The following GRM1 variants were observed in gnomAD, a reference collection of about 807,000 sequenced individuals.
GRM1 encodes the protein glutamate metabotropic receptor 1, also known as metabotropic glutamate receptor 1.
In GRM1, 33 loss-of-function variants were observed where a neutral mutation model predicts 90.9. The observed-to-expected ratio is 0.36, with a 90% confidence interval of 0.28 to 0.49. The LOEUF is 0.49. Among genes scored for constraint, GRM1 ranks in the 20% least tolerant of loss-of-function variants. The probability of loss-of-function intolerance (pLI) is 0.99; values close to 1 mark genes in which losing one functional copy is unlikely to be tolerated. For missense variants in GRM1, 1,190 were observed against 1,534.3 expected (o/e 0.78, Z 3.75); for synonymous variants, 700 against 613.2 (o/e 1.14, Z -2.09).
At position 146,183,982 on chromosome 6, in the gene GRM1, G is replaced by A. The variant is rs148098905; in HGVS notation, c.950+24385G>A. Reference sequence around the variant, plus strand: ...AGTCTGTAAATCACACTTGGAGTGGGCAATTAACTAGGTCTCCTCCCCACT... The same window carrying A: ...AGTCTGTAAATCACACTTGGAGTGGACAATTAACTAGGTCTCCTCCCCACT... On this transcript the variant is annotated intron_variant, in intron 2 of 7. Transcript: ENST00000282753. Among the ~76,000 whole-genome samples, 25 of 152,186 alleles carry A rather than the reference G, an allele frequency of 1.6e-4. 1 individual carries two copies. The East Asian group carries it at 4.2e-3, about 26-fold the overall frequency.
intron 1 of GRM1, among the ~76,000 whole-genome samples, chr6:146,032,940 T>C (rs1357581519): frequency 6.6e-6 from 1 of 152,212 alleles, no homozygotes; most frequent in Non-Finnish European, 1.5e-5. Flanking sequence ...AAGCTAAACT[T>C]GCAGATATTT....
chr6:146,293,481 T>C (rs531249160), intron 2 of GRM1, among the ~76,000 whole-genome samples: 7 of 152,022 alleles, frequency 4.6e-5, no homozygotes, highest in Admixed American at 4.6e-4. Flanking sequence ...GATTGTAATA[T>C]AGTCTCTTTT....
At chr6:146,105,698 TA>T (rs751331892) in intron 1 of GRM1, among the ~76,000 whole-genome samples, 8 of 152,362 alleles carry the variant, frequency 5.3e-5, no homozygotes, top group African/African-American at 1.4e-4. Context: ...TATTTTGTGA[TA>T]TTTTTGATAC....
intron 1 of GRM1, among the ~76,000 whole-genome samples, chr6:146,075,560 G>A (rs1029162164): frequency 6.6e-6 from 1 of 152,180 alleles, no homozygotes; most frequent in Non-Finnish European, 1.5e-5. Context: ...GATAGAATCT[G>A]CATAAAGGAC....
intron 1 of GRM1, among the ~76,000 whole-genome samples, chr6:146,157,410 T>A (rs778188245): frequency 3.3e-5 from 5 of 152,186 alleles, no homozygotes; most frequent in Admixed American, 6.5e-5. Context: ...GTAATGGGTA[T>A]GCCTATGTCC....
At chr6:146,198,756 G>C (rs547811201) in intron 2 of GRM1, among the ~76,000 whole-genome samples, 1 of 152,088 alleles carries the variant, frequency 6.6e-6, no homozygotes, top group Admixed American at 6.6e-5. Flanking sequence ...GGCATTCCTT[G>C]TCCCCAGTGT....
intron 2 of GRM1, among the ~76,000 whole-genome samples, chr6:146,268,302 G>A (rs1781994412): frequency 6.6e-6 from 1 of 152,118 alleles, no homozygotes; most frequent in African/African-American, 2.4e-5. Flanking sequence ...TTACCTCACT[G>A]AGTCCTATTA....
intron 5 of GRM1, among the ~76,000 whole-genome samples, chr6:146,369,364 G>A (rs1316359328): frequency 1.3e-5 from 2 of 151,318 alleles, no homozygotes; most frequent in African/African-American, 2.4e-5. Context: ...TACTAATTGG[G>A]GGTTTGGTTT....
chr6:146,033,770 C>A (rs1446381759), intron 1 of GRM1, among the ~76,000 whole-genome samples: 1 of 151,540 alleles, frequency 6.6e-6, no homozygotes. Flanking sequence ...CTGATTTTTT[C>A]CTTTTTAAGT....
chr6:146,052,957 G>T (rs1775347123), intron 1 of GRM1, among the ~76,000 whole-genome samples: 1 of 151,746 alleles, frequency 6.6e-6, no homozygotes, highest in South Asian at 2.1e-4. Context: ...ATACATTTTT[G>T]AAATAAAAAA....
intron 5 of GRM1, among the ~76,000 whole-genome samples, chr6:146,383,789 T>A (rs1776402684): frequency 6.6e-6 from 1 of 152,158 alleles, no homozygotes; most frequent in Non-Finnish European, 1.5e-5. Flanking sequence ...TGATTTTACA[T>A]ATAGGAATAT....
chr6:146,180,087 G>C lies in GRM1; in HGVS notation c.950+20490G>C, dbSNP rs147191304. 4.9e-3 allele frequency among the ~76,000 whole-genome samples: 743 copies of C among 152,144 alleles called. 4 individuals carry two copies. Among genetic ancestry groups the C allele is most frequent in the African/African-American group, 0.017 (696 of 41,536 alleles). On this transcript the variant is annotated intron_variant, in intron 2 of 7. Coordinates refer to ENST00000282753, the MANE Select transcript of GRM1 (RefSeq NM_001278064.2). ...TTGAACCTGGGAGGTCAAGACTGAA[G>C]TGAGCCATGATCACCTAGGTGACAG... is the stretch of plus-strand genomic sequence containing the variant.
chr6:146,160,117 T>A (rs1236695500), intron 2 of GRM1, among the ~76,000 whole-genome samples: 2 of 152,076 alleles, frequency 1.3e-5, no homozygotes, highest in African/African-American at 2.4e-5. Flanking sequence ...AACATGAACA[T>A]CTTATTGAGA....
intron 2 of GRM1, among the ~76,000 whole-genome samples, chr6:146,303,021 T>C (rs922013843): frequency 1.3e-5 from 2 of 152,178 alleles, no homozygotes; most frequent in South Asian, 4.1e-4. Context: ...TAGACTCTAC[T>C]GTAGCTCAAA....
At chr6:146,146,190 G>A (rs7382187) in intron 1 of GRM1, among the ~76,000 whole-genome samples, 6,214 of 119,408 alleles carry the variant, frequency 0.052, 164 homozygotes, top group Admixed American at 0.094. Context: ...CCGGGTTCAC[G>A]TCATTCTCCT....
intron 7 of GRM1, among the ~76,000 whole-genome samples, chr6:146,403,156 T>C (rs2114598609): frequency 6.6e-6 from 1 of 152,304 alleles, no homozygotes; most frequent in East Asian, 1.9e-4. Context: ...TAGATCCAAG[T>C]AATTTAACAC....
chr6:146,212,346 G>A (rs1779711121), intron 2 of GRM1, among the ~76,000 whole-genome samples: 1 of 152,066 alleles, frequency 6.6e-6, no homozygotes, highest in East Asian at 1.9e-4. Flanking sequence ...ATTCAAACAG[G>A]GCTTATCTTT....
rs1353487734 is a variant in GRM1, at chr6:146,418,896, C to G, written c.2661-14976C>G. Among the ~76,000 whole-genome samples, 8 of 152,000 alleles carry G rather than the reference C, an allele frequency of 5.3e-5. No homozygotes were observed. In the South Asian group the frequency reaches 6.2e-4, roughly 12 times the overall value. ...AAAAGTAATGTTCGCATGAGAAATTCTATGGTTTTCTTAATTATTTGAAAA... is the reference window on the plus strand; with the variant it reads ...AAAAGTAATGTTCGCATGAGAAATTGTATGGTTTTCTTAATTATTTGAAAA... On this transcript the variant is annotated intron_variant, in intron 7 of 7. Coordinates refer to ENST00000282753, the MANE Select transcript of GRM1 (RefSeq NM_001278064.2).
chr6:146,302,204 T>C (rs886175562), intron 2 of GRM1, among the ~76,000 whole-genome samples: 4 of 151,364 alleles, frequency 2.6e-5, no homozygotes, highest in African/African-American at 9.7e-5. Context: ...TGACTCCTCT[T>C]TTGGGTCTCA....
Sources: allele counts gnomAD v4.1 joint callset (sites outside exome capture counted in the v4.1 genomes callset), GRCh38; gene constraint gnomAD v4.1.1; transcripts MANE v1.5; gene names NCBI Gene and HGNC (gene_info 2026-07-23, HGNC 2026-07-21).